METTL15: variants seen among roughly 807,000 people sequenced by gnomAD.
METTL15 encodes 12S rRNA N(4)-cytidine methyltransferase METTL15.
A neutral mutation model predicts 38.3 loss-of-function variants in METTL15; 34 were observed. The observed-to-expected ratio is 0.89, with a 90% CI of 0.68 to 1.18. The LOEUF is 1.18. Ranked by LOEUF, METTL15 falls within the 50% of genes most tolerant of loss-of-function variation. The pLI, the probability that METTL15 is intolerant of heterozygous loss-of-function variation, is 0.00. For missense variants in METTL15, 438 were observed against 498.4 expected (o/e 0.88, Z 1.15); for synonymous variants, 162 against 170.9 (o/e 0.95, Z 0.41).
At chr11:28,138,321 A>G (rs1849582339) in intron 3 of METTL15, among the ~76,000 whole-genome samples, 2 of 152,190 alleles carry the variant, frequency 1.3e-5, no homozygotes, top group Admixed American at 1.3e-4. Context: ...AGGCCTTTTA[A>G]ATATACCTCT....
At chr11:28,487,250 G>A (rs1213911911) in intron 6 of METTL15, among the ~76,000 whole-genome samples, 1 of 152,090 alleles carries the variant, frequency 6.6e-6, no homozygotes, top group African/African-American at 2.4e-5. Flanking sequence ...ATTTTGCTAT[G>A]AGGACGTTCA....
At chr11:28,176,181 A>G (rs1341499966) in intron 3 of METTL15, among the ~76,000 whole-genome samples, 1 of 152,098 alleles carries the variant, frequency 6.6e-6, no homozygotes, top group Non-Finnish European at 1.5e-5. Flanking sequence ...AAAATTTAAA[A>G]AATATAGATA....
chr11:28,246,099 A>G (rs1044031450), intron 4 of METTL15, among the ~76,000 whole-genome samples: 2 of 152,194 alleles, frequency 1.3e-5, no homozygotes, highest in Admixed American at 1.3e-4. Flanking sequence ...ATACAACTAT[A>G]TAGAAGAAAT....
At chr11:28,397,262 G>T (rs1418661606) in intron 5 of METTL15, among the ~76,000 whole-genome samples, 1 of 152,098 alleles carries the variant, frequency 6.6e-6, no homozygotes, top group East Asian at 1.9e-4. Flanking sequence ...GAACTAAAGA[G>T]CTTCTGCACA....
At chr11:28,194,840 C>T (rs1204382823) in intron 3 of METTL15, among the ~76,000 whole-genome samples, 1 of 151,222 alleles carries the variant, frequency 6.6e-6, no homozygotes, top group African/African-American at 2.4e-5. Flanking sequence ...TTTTTTCAAC[C>T]CTCACCCGCC....
At chr11:28,157,550 C>T (rs541048388) in intron 3 of METTL15, among the ~76,000 whole-genome samples, 13 of 152,300 alleles carry the variant, frequency 8.5e-5, no homozygotes, top group African/African-American at 2.9e-4. Flanking sequence ...TGGCCTGTTA[C>T]TGGGCATTGG....
chr11:28,352,705 C>T (rs1429877403), intron 4 of METTL15, among the ~76,000 whole-genome samples: 5 of 152,106 alleles, frequency 3.3e-5, no homozygotes, highest in Non-Finnish European at 7.3e-5. Context: ...TTTCCCTCTC[C>T]CCAATCTTCA....
intron 5 of METTL15, among the ~76,000 whole-genome samples, chr11:28,418,394 G>A (rs1278560619): frequency 1.3e-5 from 2 of 152,088 alleles, no homozygotes; most frequent in African/African-American, 2.4e-5. Context: ...CTGGATTACT[G>A]AGTTTCATGT....
At chr11:28,118,943 A>T (rs1024397398) in intron 3 of METTL15, among the ~76,000 whole-genome samples, 1 of 152,232 alleles carries the variant, frequency 6.6e-6, no homozygotes, top group Non-Finnish European at 1.5e-5. Context: ...AGAAAGAGTC[A>T]AAGTTGTTAG....
chr11:28,305,091 CA>C (rs1857036976), intron 6 of METTL15, among the ~76,000 whole-genome samples: 1 of 152,140 alleles, frequency 6.6e-6, no homozygotes, highest in South Asian at 2.1e-4. Context: ...AGTGACATGC[CA>C]ACTAAATTAG....
intron 5 of METTL15, among the ~76,000 whole-genome samples, chr11:28,388,665 A>T (rs1255748157): frequency 6.6e-6 from 1 of 152,118 alleles, no homozygotes; most frequent in Non-Finnish European, 1.5e-5. Flanking sequence ...ATCTCCATCA[A>T]AATCACAATG....
chr11:28,137,782 G>A (rs939049524), intron 3 of METTL15, among the ~76,000 whole-genome samples: 1 of 150,818 alleles, frequency 6.6e-6, no homozygotes, highest in Non-Finnish European at 1.5e-5. Flanking sequence ...AGGCATTACA[G>A]CTTTTATTTT....
chr11:28,191,228 G>A (rs187097152), intron 3 of METTL15, among the ~76,000 whole-genome samples: 20 of 151,084 alleles, frequency 1.3e-4, no homozygotes, highest in Admixed American at 9.2e-4. Flanking sequence ...TATATAAATT[G>A]AAGTTTGTGA....
intron 4 of METTL15, among the ~76,000 whole-genome samples, chr11:28,282,527 A>T (rs976737427): frequency 1.8e-4 from 28 of 152,200 alleles, no homozygotes; most frequent in African/African-American, 6.8e-4. Flanking sequence ...CATAATGTCT[A>T]TCAACACTTT....
At chr11:28,282,036 A>C (rs1448857305) in intron 4 of METTL15, among the ~76,000 whole-genome samples, 2 of 152,258 alleles carry the variant, frequency 1.3e-5, no homozygotes, top group Admixed American at 6.5e-5. Context: ...GTTTTTAAAA[A>C]GTATTTCTTG....
intron 4 of METTL15, among the ~76,000 whole-genome samples, chr11:28,225,651 T>C (rs1166348453): frequency 6.6e-6 from 1 of 151,864 alleles, no homozygotes; most frequent in Non-Finnish European, 1.5e-5. Context: ...ACGTTTGATA[T>C]TTATAAATTG....
chr11:28,286,661 A>C (rs2133981773), intron 4 of METTL15, among the ~76,000 whole-genome samples: 1 of 152,238 alleles, frequency 6.6e-6, no homozygotes, highest in South Asian at 2.1e-4. Context: ...CCTATTACTG[A>C]GAATGTTCAA....
intron 6 of METTL15, among the ~76,000 whole-genome samples, chr11:28,525,736 C>T (rs1019890213): frequency 8.5e-5 from 13 of 152,264 alleles, no homozygotes; most frequent in African/African-American, 2.2e-4. Context: ...CTGGCTTCAC[C>T]CAGTGGATCC....
intron 6 of METTL15, among the ~76,000 whole-genome samples, chr11:28,310,941 GTGGTGGTGGTGGTGGTGGTGGTGGGTGT>G (rs1857264338): frequency 7.1e-6 from 1 of 141,814 alleles, no homozygotes; most frequent in African/African-American, 2.7e-5. Context: ...GGTGGTGGTG[GTGGTGGTGGTGGTGGTGGTGGTGGGTGT>G]GTGTGTGTGT....
Sources: gnomAD v4.1 joint callset for allele counts (sites outside exome capture counted in the v4.1 genomes callset) on GRCh38, gnomAD v4.1.1 for gene constraint, MANE v1.5 for transcripts, NCBI Gene and HGNC (gene_info 2026-07-23, HGNC 2026-07-21) for gene names.